Variants in STK40 observed in about 807,000 individuals in gnomAD.
The protein encoded by STK40 is serine/threonine kinase 40.
STK40 carries 13 observed loss-of-function variants against 47.9 expected under a neutral mutation model. That is an observed-to-expected ratio of 0.27 (90% confidence interval 0.18 to 0.43). STK40 has a LOEUF of 0.43. Among genes scored for constraint, STK40 ranks in the 20% least tolerant of loss-of-function variants. The pLI, the probability that STK40 is intolerant of heterozygous loss-of-function variation, is 1.00. For synonymous variants in STK40, 225 were observed against 243.2 expected, an observed-to-expected ratio of 0.93 and a Z score of 0.69; for missense variants, 460 against 595.1, an observed-to-expected ratio of 0.77 and a Z score of 2.36.
At chr1:36,343,282 C>A in intron 10 of STK40, 82 bp downstream of exon 10, 1 of 1,450,708 alleles carries the variant, frequency 6.9e-7, no homozygotes, top group Non-Finnish European at 9.5e-7. Context: ...CGGGTAGCTG[C>A]CACCTCTGCC....
At chr1:36,370,148 G>T (rs1026246500) in intron 1 of STK40, among the ~76,000 whole-genome samples, 5 of 152,206 alleles carry the variant, frequency 3.3e-5, no homozygotes, top group Admixed American at 2.6e-4. Flanking sequence ...GATTACCGGG[G>T]GTTTTGCTTA....
At position 36,370,298 on chromosome 1, in the gene STK40, G is replaced by A. The variant is rs74844909; in HGVS notation, c.-8-8958C>T. Among the ~76,000 whole-genome samples, 1,252 of 152,318 alleles carry A rather than the reference G, an allele frequency of 8.2e-3. 16 individuals carry two copies. The highest frequency in any genetic ancestry group is 0.029 in the African/African-American group (1,199 of 41,564). ...GAGAATCCCCCAAATCCAGCCAAACGATCTGCTTTCCTGCGGCAAGATGTG... is the reference window on the plus strand; with the variant it reads ...GAGAATCCCCCAAATCCAGCCAAACAATCTGCTTTCCTGCGGCAAGATGTG... On this transcript the variant is annotated intron_variant, in intron 1 of 10. Coordinates refer to ENST00000373132, the MANE Select transcript of STK40 (RefSeq NM_001282547.2).
chr1:36,343,830 T>C, intron 9 of STK40, 30 bp downstream of exon 9: 1 of 1,553,828 alleles, frequency 6.4e-7, no homozygotes, highest in Non-Finnish European at 8.7e-7. Context: ...GGACGCAGCC[T>C]TGTGCCCGGT....
chr1:36,360,430 G>C (rs1014508882), intron 2 of STK40, among the ~76,000 whole-genome samples: 2 of 152,208 alleles, frequency 1.3e-5, no homozygotes, highest in Non-Finnish European at 1.5e-5. Context: ...AATTTGGGGG[G>C]CTATACAAAA....
At chr1:36,380,331 G>A (rs1010412484) in intron 1 of STK40, among the ~76,000 whole-genome samples, 3 of 152,126 alleles carry the variant, frequency 2.0e-5, no homozygotes, top group Non-Finnish European at 2.9e-5. Context: ...TTGAAGGCCC[G>A]CCCACCAGCA....
intron 7 of STK40, among the ~76,000 whole-genome samples, chr1:36,347,991 A>C (rs190708098): frequency 6.6e-6 from 1 of 152,194 alleles, no homozygotes; most frequent in East Asian, 1.9e-4. Flanking sequence ...TCTCATCCCC[A>C]CTAGAAAGTC....
Position 36,361,819 on chromosome 1 carries a change from T to C in STK40, c.-8-479A>G, listed in dbSNP as rs113618793. 6.5e-3 allele frequency among the ~76,000 whole-genome samples: 988 copies of C among 152,212 alleles called. 8 individuals are homozygous for C. The highest frequency in any genetic ancestry group is 0.022 in the African/African-American group (927 of 41,520). ...GAGGTGCCCATTCCTGGCCCGTATC[T>C]GGACAGTGGGCCCCAGGAATGGGAT... On this transcript the variant is annotated intron_variant, in intron 1 of 10. Coordinates refer to ENST00000373132, the MANE Select transcript of STK40 (RefSeq NM_001282547.2).
intron 6 of STK40, among the ~76,000 whole-genome samples, chr1:36,351,717 C>T (rs554306726): frequency 9.9e-5 from 11 of 111,672 alleles, no homozygotes; most frequent in Non-Finnish European, 2.0e-4. Flanking sequence ...CAGGGAGGTG[C>T]GACCCCTCGA....
At chr1:36,368,780 CT>C (rs1318238326) in intron 1 of STK40, among the ~76,000 whole-genome samples, 2 of 152,174 alleles carry the variant, frequency 1.3e-5, no homozygotes, top group African/African-American at 2.4e-5. Flanking sequence ...GATTGGACAA[CT>C]GGTAAAATCT....
rs747619342 is a variant in STK40, at chr1:36,358,330, C to T, written c.251G>A (p.Arg84Gln). Residue 84 changes from arginine (R) to glutamine (Q), a missense_variant, in exon 4 of 11, where the codon CGG becomes CAG. Coordinates refer to ENST00000373132, the MANE Select transcript of STK40 (RefSeq NM_001282547.2). Reference sequence around the variant, plus strand: ...GGTGTGCAGCAGCATCTTGCCCTGCCGCTCTTCCTGGCTCTCTATGCCTTG... The same window carrying T: ...GGTGTGCAGCAGCATCTTGCCCTGCTGCTCTTCCTGGCTCTCTATGCCTTG... Reference protein sequence around the residue: ...GDQGIESQEERQGKMLLHTEY... With the variant: ...GDQGIESQEEQQGKMLLHTEY... 16 of 1,610,106 alleles carry T rather than the reference C, an allele frequency of 9.9e-6. No homozygotes were observed. The highest frequency in any genetic ancestry group is 4.4e-5 in the South Asian group (4 of 90,986).
intron 7 of STK40, among the ~76,000 whole-genome samples, chr1:36,346,184 C>T (rs1427883746): frequency 6.6e-6 from 1 of 150,954 alleles, no homozygotes; most frequent in African/African-American, 2.4e-5. Context: ...TTAGTAGAAA[C>T]AGGGTTTCAC....
intron 1 of STK40, among the ~76,000 whole-genome samples, chr1:36,366,961 A>G (rs1356020784): frequency 6.6e-6 from 1 of 150,532 alleles, no homozygotes; most frequent in Admixed American, 6.6e-5. Context: ...CAGCCTCCCA[A>G]GTACCTGAGA....
At chr1:36,345,968 C>CATATATATATATATATATATATATAT (rs1553135169) in intron 7 of STK40, among the ~76,000 whole-genome samples, 1 of 29,934 alleles carries the variant, frequency 3.3e-5, no homozygotes, top group African/African-American at 1.4e-4. Context: ...AAGGGCATTA[C>CATATATATATATATATATATATATAT]ATATATATAT....
In STK40 at chr1:36,350,892, G is replaced by A. The variant is rs1433719593; in HGVS notation, c.624-2077C>T. Among the ~76,000 whole-genome samples the A allele has an allele frequency of 2.0e-5, 3 of 152,358 alleles. No homozygotes were observed. In the East Asian group the frequency reaches 5.8e-4, roughly 29 times the overall value. On this transcript the variant is annotated intron_variant, in intron 6 of 10. Coordinates refer to ENST00000373132, the MANE Select transcript of STK40 (RefSeq NM_001282547.2). ...GCGCACTGGAGTCTCTCCACAGGAA[G>A]TGGCACGGGCAGCTCCAAGTCCTCC...
At chr1:36,373,528 G>A (rs920060696) in intron 1 of STK40, among the ~76,000 whole-genome samples, 10 of 152,136 alleles carry the variant, frequency 6.6e-5, no homozygotes, top group East Asian at 1.9e-4. Context: ...CCCTCTCCCC[G>A]GGAGCTTGGT....
chr1:36,369,187 A>G (rs1470494519), intron 1 of STK40, among the ~76,000 whole-genome samples: 1 of 152,158 alleles, frequency 6.6e-6, no homozygotes, highest in African/African-American at 2.4e-5. Context: ...CCTCCATGCA[A>G]TCTCCAGGCC....
intron 4 of STK40, among the ~76,000 whole-genome samples, chr1:36,356,708 A>G (rs973699184): frequency 1.3e-5 from 2 of 152,066 alleles, no homozygotes; most frequent in Non-Finnish European, 2.9e-5. Context: ...TACAGGCATA[A>G]GCTACCTCGC....
chr1:36,371,378 C>A (rs1336923988), intron 1 of STK40, among the ~76,000 whole-genome samples: 1 of 149,970 alleles, frequency 6.7e-6, no homozygotes, highest in Admixed American at 6.6e-5. Flanking sequence ...CATGGTGAAA[C>A]CCCGCTTCTA....
chr1:36,345,985 A>ATG, intron 7 of STK40, among the ~76,000 whole-genome samples: 1 of 9,816 alleles, frequency 1.0e-4, no homozygotes, highest in Admixed American at 8.4e-4. Flanking sequence ...ATATATATAT[A>ATG]TATATATTTT....
Sources: allele counts gnomAD v4.1 joint callset (sites outside exome capture counted in the v4.1 genomes callset), GRCh38; gene constraint gnomAD v4.1.1; transcripts MANE v1.5; gene names NCBI Gene and HGNC (gene_info 2026-07-23, HGNC 2026-07-21).